The following KCNAB1 variants were observed in gnomAD, a reference collection of about 807,000 sequenced individuals.
The protein encoded by KCNAB1 is potassium voltage-gated channel subfamily A regulatory beta subunit 1.
A neutral mutation model predicts 64.6 loss-of-function variants in KCNAB1; 35 were observed. That is an observed-to-expected ratio of 0.54 (90% CI 0.41 to 0.72). The LOEUF is 0.72. Among genes scored for constraint, KCNAB1 ranks in the 30% least tolerant of loss-of-function variants. KCNAB1 has a pLI of 0.00. For missense variants in KCNAB1, 401 were observed against 512.9 expected, an observed-to-expected ratio of 0.78 and a Z score of 2.11; for synonymous variants, 177 against 183.8, an observed-to-expected ratio of 0.96 and a Z score of 0.30.
intron 1 of KCNAB1, among the ~76,000 whole-genome samples, chr3:156,375,328 C>A (rs1274860268): frequency 7.4e-6 from 1 of 134,542 alleles, no homozygotes. Flanking sequence ...GCCCCTCACT[C>A]CCAGCCACTT....
chr3:156,153,100 A>T (rs951927223), intron 1 of KCNAB1, among the ~76,000 whole-genome samples: 6 of 152,308 alleles, frequency 3.9e-5, no homozygotes, highest in Admixed American at 6.5e-5. Context: ...TTTGCTGAAT[A>T]AATAAATTAT....
intron 1 of KCNAB1, among the ~76,000 whole-genome samples, chr3:156,269,235 C>T (rs1204361419): frequency 6.6e-6 from 1 of 152,084 alleles, no homozygotes; most frequent in Admixed American, 6.5e-5. Context: ...GTTTTTGTGC[C>T]AGTACAATAC....
chr3:156,369,060 ACCC>A (rs754420511), intron 1 of KCNAB1, among the ~76,000 whole-genome samples: 2 of 151,844 alleles, frequency 1.3e-5, no homozygotes, highest in Non-Finnish European at 2.9e-5. Context: ...GAACATTTCC[ACCC>A]CCACCCACTG....
At chr3:156,505,467 A>G (rs1716771760) in intron 8 of KCNAB1, among the ~76,000 whole-genome samples, 1 of 152,224 alleles carries the variant, frequency 6.6e-6, no homozygotes, top group Non-Finnish European at 1.5e-5. Context: ...TAGGGATTAC[A>G]TTGAATGTAT....
At chr3:156,523,985 T>C in intron 12 of KCNAB1, 38 bp downstream of exon 12, 1 of 1,594,678 alleles carries the variant, frequency 6.3e-7, no homozygotes, top group African/African-American at 1.3e-5. Context: ...GTAGAGGGAC[T>C]TCTGCTGAGA....
intron 1 of KCNAB1, chr3:156,291,825 A>G (rs2290165): frequency 0.42 from 668,480 of 1,591,930 alleles, 142,678 homozygotes; most frequent in East Asian, 0.52. Context: ...AAAGAAAAGC[A>G]GAAATCCCCG....
intron 1 of KCNAB1, among the ~76,000 whole-genome samples, chr3:156,203,388 A>T (rs561043450): frequency 6.6e-6 from 1 of 152,352 alleles, no homozygotes; most frequent in East Asian, 1.9e-4. Context: ...AAACAAAAGC[A>T]TGGGCTCTAG....
chr3:156,351,935 C>T (rs1055418263), intron 1 of KCNAB1, among the ~76,000 whole-genome samples: 5 of 152,190 alleles, frequency 3.3e-5, no homozygotes, highest in African/African-American at 4.8e-5. Flanking sequence ...AGGTCCATGC[C>T]GCCCTATCCC....
chr3:156,505,619 C>G (rs866274780), intron 8 of KCNAB1, among the ~76,000 whole-genome samples: 1 of 152,060 alleles, frequency 6.6e-6, no homozygotes, highest in Non-Finnish European at 1.5e-5. Flanking sequence ...TTTTTACCTT[C>G]TTAAATTTAT....
chr3:156,349,493 A>G (rs974241304), intron 1 of KCNAB1, among the ~76,000 whole-genome samples: 2 of 152,150 alleles, frequency 1.3e-5, no homozygotes, highest in African/African-American at 2.4e-5. Context: ...TACCACTTCT[A>G]CTTTTCTATT....
intron 1 of KCNAB1, among the ~76,000 whole-genome samples, chr3:156,387,014 C>CTCTCTTTTTTTTT (rs60888308): frequency 4.6e-4 from 42 of 90,520 alleles, no homozygotes; most frequent in African/African-American, 2.1e-3. Flanking sequence ...TTCTCTCTCT[C>CTCTCTTTTTTTTT]TTTTTTTTTT....
chr3:156,354,120 G>GTGTATATATATATATA (rs372765461), intron 1 of KCNAB1, among the ~76,000 whole-genome samples: 2 of 132,562 alleles, frequency 1.5e-5, no homozygotes, highest in Non-Finnish European at 3.2e-5. Context: ...ATGTGTGTGT[G>GTGTATATATATATATA]TATATATATA....
intron 1 of KCNAB1, among the ~76,000 whole-genome samples, chr3:156,239,784 G>A (rs1717060357): frequency 6.6e-6 from 1 of 152,136 alleles, no homozygotes; most frequent in Non-Finnish European, 1.5e-5. Flanking sequence ...AAGGATGTAA[G>A]TTTCATAAAA....
chr3:156,427,096 A>G (rs1236498928), intron 2 of KCNAB1, among the ~76,000 whole-genome samples: 2 of 152,162 alleles, frequency 1.3e-5, no homozygotes, highest in African/African-American at 4.8e-5. Flanking sequence ...TGATCTCTGG[A>G]TACAGAATAG....
At chr3:156,301,985 G>A (rs576050980) in intron 1 of KCNAB1, among the ~76,000 whole-genome samples, 1 of 152,292 alleles carries the variant, frequency 6.6e-6, no homozygotes, top group East Asian at 1.9e-4. Context: ...TAACACAGAT[G>A]TATTATTTCA....
chr3:156,534,631 C>T (rs980455732), intron 13 of KCNAB1, among the ~76,000 whole-genome samples: 1 of 152,194 alleles, frequency 6.6e-6, no homozygotes, highest in African/African-American at 2.4e-5. Flanking sequence ...AAACTGACCA[C>T]TATCCCAGCC....
intron 1 of KCNAB1, among the ~76,000 whole-genome samples, chr3:156,281,337 C>G (rs1241287880): frequency 6.6e-6 from 1 of 152,136 alleles, no homozygotes; most frequent in East Asian, 1.9e-4. Context: ...GGTGGATAAG[C>G]TTTTTGATGT....
intron 1 of KCNAB1, among the ~76,000 whole-genome samples, chr3:156,349,000 G>A (rs772484748): frequency 5.3e-5 from 8 of 152,164 alleles, no homozygotes; most frequent in Non-Finnish European, 7.4e-5. Flanking sequence ...ACTGAAGAAC[G>A]TTATAAGAAA....
chr3:156,340,114 AG>A (rs1723996854), intron 1 of KCNAB1, among the ~76,000 whole-genome samples: 1 of 152,210 alleles, frequency 6.6e-6, no homozygotes, highest in African/African-American at 2.4e-5. Context: ...AGCATTTCTG[AG>A]GGATCCACAG....
Sources: gnomAD v4.1 joint callset for allele counts (sites outside exome capture counted in the v4.1 genomes callset) on GRCh38, gnomAD v4.1.1 for gene constraint, MANE v1.5 for transcripts, NCBI Gene and HGNC (gene_info 2026-07-23, HGNC 2026-07-21) for gene names.